ROBO1: variants seen among roughly 807,000 people sequenced by gnomAD.
ROBO1 encodes the protein roundabout homolog 1.
ROBO1 carries 149 observed loss-of-function variants against 195.9 expected under a neutral mutation model. That is an observed-to-expected ratio of 0.76 (90% confidence interval 0.67 to 0.87). The LOEUF (loss-of-function observed/expected upper bound fraction) is 0.87, where lower values mean the gene tolerates loss of function less well. Ranked by LOEUF, ROBO1 falls within the 40% of genes least tolerant of loss-of-function variation. The pLI, the probability that ROBO1 is intolerant of heterozygous loss-of-function variation, is 0.00. For missense variants in ROBO1, 1,933 were observed against 2,068.3 expected (o/e 0.93, Z 1.27); for synonymous variants, 816 against 733.2 (o/e 1.11, Z -1.82).
At chr3:79,554,796 C>T (rs756550207) in intron 2 of ROBO1, among the ~76,000 whole-genome samples, 2 of 152,026 alleles carry the variant, frequency 1.3e-5, no homozygotes, top group Admixed American at 6.6e-5. Flanking sequence ...GAGATATGGA[C>T]AAATCCCTTA....
chr3:79,364,244 A>G (rs2035880364), intron 2 of ROBO1, among the ~76,000 whole-genome samples: 1 of 146,882 alleles, frequency 6.8e-6, no homozygotes, highest in South Asian at 2.1e-4. Flanking sequence ...GTGTATATAT[A>G]TATATATACA....
chr3:79,649,951 G>T (rs1191426700), intron 1 of ROBO1, among the ~76,000 whole-genome samples: 1 of 151,838 alleles, frequency 6.6e-6, no homozygotes, highest in Non-Finnish European at 1.5e-5. Context: ...GGGAAATTTA[G>T]AATTTTACAA....
At chr3:78,926,235 A>C (rs2039215029) in intron 4 of ROBO1, among the ~76,000 whole-genome samples, 1 of 152,206 alleles carries the variant, frequency 6.6e-6, no homozygotes, top group African/African-American at 2.4e-5. Context: ...GGGGTCATAT[A>C]GATCCTTGGA....
chr3:79,070,231 C>G (rs2108433248), intron 3 of ROBO1, among the ~76,000 whole-genome samples: 1 of 151,958 alleles, frequency 6.6e-6, no homozygotes, highest in Non-Finnish European at 1.5e-5. Flanking sequence ...GATTTTACCA[C>G]CTTGAACAAG....
At chr3:78,779,387 A>G (rs1360611006) in intron 4 of ROBO1, among the ~76,000 whole-genome samples, 1 of 152,218 alleles carries the variant, frequency 6.6e-6, no homozygotes, top group Non-Finnish European at 1.5e-5. Context: ...CAGAATCTAC[A>G]AAGAACTTAC....
intron 1 of ROBO1, among the ~76,000 whole-genome samples, chr3:79,597,664 A>T (rs1232909684): frequency 2.0e-5 from 3 of 152,078 alleles, no homozygotes; most frequent in Admixed American, 6.6e-5. Flanking sequence ...GACTGAAAGC[A>T]TCAGTACTAA....
At chr3:79,021,916 T>G (rs2078111509) in intron 3 of ROBO1, among the ~76,000 whole-genome samples, 1 of 152,158 alleles carries the variant, frequency 6.6e-6, no homozygotes, top group African/African-American at 2.4e-5. Context: ...CGCCTTGGCC[T>G]CCCAAAGTGC....
intron 3 of ROBO1, among the ~76,000 whole-genome samples, chr3:79,006,490 A>G (rs1447976798): frequency 6.6e-6 from 1 of 152,186 alleles, no homozygotes; most frequent in Middle Eastern, 3.2e-3. Flanking sequence ...ATGACTATAT[A>G]TCATATTTGG....
At chr3:79,285,788 T>C (rs1397538714) in intron 2 of ROBO1, among the ~76,000 whole-genome samples, 1 of 152,214 alleles carries the variant, frequency 6.6e-6, no homozygotes, top group African/African-American at 2.4e-5. Context: ...GATGTAAACT[T>C]AATATATTGA....
In ROBO1 at chr3:78,663,817, C is replaced by A. The variant is rs144875366; in HGVS notation, c.1967-1703G>T. Among the ~76,000 whole-genome samples, 11 of 152,314 alleles carry A rather than the reference C, an allele frequency of 7.2e-5. No homozygotes were observed. In the East Asian group the frequency reaches 1.7e-3, roughly 24 times the overall value. ...AACATAGGTTCAATTAAAATGTATT[C>A]ATGTGTGGAAAACACACATATGATG... is the stretch of plus-strand genomic sequence containing the variant. On this transcript the variant is annotated intron_variant, in intron 14 of 30. Coordinates refer to ENST00000464233, the MANE Select transcript of ROBO1 (RefSeq NM_002941.4).
chr3:78,885,439 A>C (rs1379006967), intron 4 of ROBO1, among the ~76,000 whole-genome samples: 1 of 148,432 alleles, frequency 6.7e-6, no homozygotes, highest in Admixed American at 6.7e-5. Context: ...AAAAAAAAAA[A>C]AAACTGAGAG....
chr3:79,697,910 A>T (rs1947494297), intron 1 of ROBO1, among the ~76,000 whole-genome samples: 1 of 151,544 alleles, frequency 6.6e-6, no homozygotes, highest in African/African-American at 2.4e-5. Context: ...ACATACATAC[A>T]TTCCATTTAA....
intron 2 of ROBO1, among the ~76,000 whole-genome samples, chr3:79,423,325 T>C (rs2038309785): frequency 6.6e-6 from 1 of 152,154 alleles, no homozygotes; most frequent in South Asian, 2.1e-4. Context: ...AAATATTTTA[T>C]TTCTTACTGC....
intron 2 of ROBO1, among the ~76,000 whole-genome samples, chr3:79,135,557 G>A (rs1222935043): frequency 6.6e-6 from 1 of 151,994 alleles, no homozygotes; most frequent in Non-Finnish European, 1.5e-5. Context: ...ATCTCTAAGT[G>A]ATATTCAAAT....
chr3:79,608,250 T>C (rs1296133895), intron 1 of ROBO1, among the ~76,000 whole-genome samples: 1 of 151,998 alleles, frequency 6.6e-6, no homozygotes. Context: ...GTTATAATAA[T>C]TATCAGCTCT....
At chr3:79,060,956 C>T (rs1038721320) in intron 3 of ROBO1, among the ~76,000 whole-genome samples, 3 of 152,164 alleles carry the variant, frequency 2.0e-5, no homozygotes, top group Non-Finnish European at 2.9e-5. Context: ...AGGATGCCCT[C>T]TCTCACCACT....
chr3:79,466,896 T>C (rs986986898), intron 2 of ROBO1, among the ~76,000 whole-genome samples: 7 of 152,148 alleles, frequency 4.6e-5, no homozygotes, highest in Non-Finnish European at 8.8e-5. Context: ...TTGGAATATA[T>C]CCAGAGGAAG....
At chr3:79,566,943 C>T (rs760083568) in intron 2 of ROBO1, among the ~76,000 whole-genome samples, 1 of 151,956 alleles carries the variant, frequency 6.6e-6, no homozygotes, top group African/African-American at 2.4e-5. Context: ...TAAATCGAGA[C>T]ACATGCACGT....
chr3:78,627,557 T>C lies in ROBO1; in HGVS notation c.3639A>G (p.Glu1213=), dbSNP rs1384541705. The C allele has an allele frequency of 6.2e-7, 1 of 1,611,644 alleles. No individual in the cohort carries two copies. Among genetic ancestry groups the C allele is most frequent in the Admixed American group, 1.7e-5 (1 of 59,872 alleles). Residue 1213 remains glutamate (E), a synonymous_variant, in exon 26 of 31, where the codon GAA becomes GAG. Coordinates refer to ENST00000464233, the MANE Select transcript of ROBO1 (RefSeq NM_002941.4). ...NISVDESYDQ[E]MPCPVPPARM... ...TTGCTGGTGGCACGGGACATGGCAT[T>C]TCTTGGTCATAGCTAAAATAAATGA...
Sources: allele counts gnomAD v4.1 joint callset (sites outside exome capture counted in the v4.1 genomes callset), GRCh38; gene constraint gnomAD v4.1.1; transcripts MANE v1.5; gene names NCBI Gene and HGNC (gene_info 2026-07-23, HGNC 2026-07-21).